The following DOK6 variants were observed in gnomAD, a reference collection of about 807,000 sequenced individuals.
The protein encoded by DOK6 is docking protein 6.
DOK6 carries 22 observed loss-of-function variants against 44.0 expected under a neutral mutation model. The observed-to-expected ratio is 0.50, with a 90% CI of 0.36 to 0.71. The LOEUF (loss-of-function observed/expected upper bound fraction) is 0.71, where lower values mean the gene tolerates loss of function less well. Among genes scored for constraint, DOK6 ranks in the 30% least tolerant of loss-of-function variants. The pLI is 0.00. For missense variants in DOK6, 340 were observed against 416.4 expected (o/e 0.82, Z 1.60); for synonymous variants, 166 against 145.5 (o/e 1.14, Z -1.01).
At chr18:69,521,421 C>A in intron 1 of DOK6, among the ~76,000 whole-genome samples, 1 of 148,298 alleles carries the variant, frequency 6.7e-6, no homozygotes. Context: ...ATGCTGCATC[C>A]AATGCCTTAA....
At chr18:69,684,976 A>G (rs1986120162) in intron 4 of DOK6, among the ~76,000 whole-genome samples, 1 of 152,140 alleles carries the variant, frequency 6.6e-6, no homozygotes, top group Non-Finnish European at 1.5e-5. Context: ...ATGAGATAAG[A>G]TGACCCCTTT....
intron 2 of DOK6, among the ~76,000 whole-genome samples, chr18:69,588,734 G>T (rs1026167354): frequency 1.3e-5 from 2 of 152,012 alleles, no homozygotes; most frequent in African/African-American, 2.4e-5. Flanking sequence ...ATTGGAGCTG[G>T]ATGTTGAGTA....
chr18:69,560,498 G>A (rs1464942548), intron 1 of DOK6, among the ~76,000 whole-genome samples: 1 of 151,920 alleles, frequency 6.6e-6, no homozygotes, highest in Non-Finnish European at 1.5e-5. Context: ...AATATAGTAG[G>A]AACTCATATG....
At chr18:69,823,675 A>G (rs1981644873) in intron 7 of DOK6, among the ~76,000 whole-genome samples, 6 of 149,370 alleles carry the variant, frequency 4.0e-5, no homozygotes, top group Admixed American at 4.0e-4. Flanking sequence ...AAGACAAAGG[A>G]ATTAATTGTG....
chr18:69,683,112 C>A (rs1395266729), intron 4 of DOK6, among the ~76,000 whole-genome samples: 1 of 151,722 alleles, frequency 6.6e-6, no homozygotes, highest in Non-Finnish European at 1.5e-5. Context: ...AAGAGTTTTC[C>A]AGGGCAATAA....
chr18:69,753,735 A>C (rs1006900814), intron 6 of DOK6, among the ~76,000 whole-genome samples: 1 of 152,202 alleles, frequency 6.6e-6, no homozygotes, highest in Non-Finnish European at 1.5e-5. Flanking sequence ...CTATGCAAAA[A>C]GGAGAAGCAT....
rs536967113 is a variant in DOK6 at position 69,605,051 on chromosome 18, G to A, written c.289+5553G>A. ...TTTCAAAAAATCCTTGTAGTTTTTT[G>A]AGACCCCTGTTAGGAGAGATCCCTT... On this transcript the variant is annotated intron_variant, in intron 3 of 7. Coordinates refer to ENST00000382713, the MANE Select transcript of DOK6 (RefSeq NM_152721.6). Among the ~76,000 whole-genome samples, 44 of 149,590 alleles carry A rather than the reference G, an allele frequency of 2.9e-4. No individual in the cohort carries two copies. In the South Asian group the frequency reaches 9.4e-3, roughly 32 times the overall value.
chr18:69,407,486 A>G (rs1338545724), intron 1 of DOK6, among the ~76,000 whole-genome samples: 1 of 152,134 alleles, frequency 6.6e-6, no homozygotes. Flanking sequence ...GTTTTTCTTC[A>G]AGGTCTTGTA....
At chr18:69,581,814 A>C (rs1983376491) in intron 2 of DOK6, among the ~76,000 whole-genome samples, 1 of 152,214 alleles carries the variant, frequency 6.6e-6, no homozygotes, top group South Asian at 2.1e-4. Flanking sequence ...ATAGGGCTTT[A>C]TGTTTTCTGA....
intron 1 of DOK6, among the ~76,000 whole-genome samples, chr18:69,532,072 A>G (rs1412692222): frequency 5.9e-5 from 9 of 152,336 alleles, no homozygotes; most frequent in African/African-American, 1.4e-4. Flanking sequence ...TCTGCAAGCC[A>G]GAAAGAAGGC....
At chr18:69,455,156 CAAAAAA>C (rs58451274) in intron 1 of DOK6, among the ~76,000 whole-genome samples, 21 of 117,446 alleles carry the variant, frequency 1.8e-4, no homozygotes, top group Admixed American at 2.6e-4. Context: ...ATAGCTATAG[CAAAAAA>C]AAAAAAAAAA....
intron 5 of DOK6, among the ~76,000 whole-genome samples, chr18:69,712,400 GA>G (rs1339536251): frequency 1.4e-5 from 2 of 148,016 alleles, no homozygotes; most frequent in Admixed American, 6.8e-5. Flanking sequence ...AGAGGCAATG[GA>G]TATTATTGTG....
intron 3 of DOK6, among the ~76,000 whole-genome samples, chr18:69,664,787 G>A (rs1985615153): frequency 6.6e-6 from 1 of 152,196 alleles, no homozygotes; most frequent in Non-Finnish European, 1.5e-5. Context: ...ATCTTGCCAT[G>A]TGCCCAAAAG....
chr18:69,632,006 G>A (rs1001093187), intron 3 of DOK6, among the ~76,000 whole-genome samples: 2 of 151,944 alleles, frequency 1.3e-5, no homozygotes, highest in African/African-American at 4.8e-5. Context: ...ATATTTTCTT[G>A]ACTACATGAC....
chr18:69,712,905 T>C (rs1335101384), intron 5 of DOK6, among the ~76,000 whole-genome samples: 1 of 152,172 alleles, frequency 6.6e-6, no homozygotes, highest in African/African-American at 2.4e-5. Context: ...GTAAATGAAG[T>C]GCTAAATATA....
In DOK6 at chr18:69,511,227, T is replaced by C. The variant is rs533362565; in HGVS notation, c.67-53260T>C. Among the ~76,000 whole-genome samples, 9 of 152,294 alleles carry C rather than the reference T, an allele frequency of 5.9e-5. No homozygotes were observed. The South Asian group carries it at 1.9e-3, about 32-fold the overall frequency. On this transcript the variant is annotated intron_variant, in intron 1 of 7. Transcript: ENST00000382713. ...AACCATCTTTCTCCCATATCATCTG[T>C]TGTTTTTGTATCTTGGCACATTGCT...
At chr18:69,555,636 G>A (rs1305881166) in intron 1 of DOK6, among the ~76,000 whole-genome samples, 2 of 152,026 alleles carry the variant, frequency 1.3e-5, no homozygotes, top group African/African-American at 4.8e-5. Context: ...CTTCTAATTG[G>A]TCTTGGCATT....
chr18:69,723,200 T>C (rs1978291833), intron 5 of DOK6, among the ~76,000 whole-genome samples: 2 of 152,124 alleles, frequency 1.3e-5, no homozygotes, highest in African/African-American at 4.8e-5. Flanking sequence ...TTGGTCTAGG[T>C]GGAAGATAGC....
chr18:69,530,187 G>C (rs1249066109), intron 1 of DOK6, among the ~76,000 whole-genome samples: 2 of 152,134 alleles, frequency 1.3e-5, no homozygotes, highest in African/African-American at 4.8e-5. Flanking sequence ...AGTAGATTCA[G>C]GTCTCTGATT....
Sources: allele counts gnomAD v4.1 joint callset (sites outside exome capture counted in the v4.1 genomes callset), GRCh38; gene constraint gnomAD v4.1.1; transcripts MANE v1.5; gene names NCBI Gene and HGNC (gene_info 2026-07-23, HGNC 2026-07-21).